The following MRTFA variants were observed in gnomAD, a reference collection of about 807,000 sequenced individuals.
The protein encoded by MRTFA is myocardin related transcription factor A.
Under a neutral mutation model 83.5 loss-of-function variants are expected in MRTFA, and 20 were observed. The observed-to-expected ratio is 0.24, with a 90% CI of 0.17 to 0.35. The LOEUF is 0.35. Among genes scored for constraint, MRTFA ranks in the 10% least tolerant of loss-of-function variants. The pLI is 1.00. For missense variants in MRTFA, 1,200 were observed against 1,224.7 expected (o/e 0.98, Z 0.30); for synonymous variants, 659 against 541.2 (o/e 1.22, Z -3.02).
In MRTFA at chr22:40,501,976, G is replaced by A. The variant is rs1468992186; in HGVS notation, c.242-38690C>T. On this transcript the variant is annotated intron_variant, in intron 3 of 14. Transcript: ENST00000355630. ...TCCCAGACGGGGCGGCTGGCCGGGC[G>A]GGGGGCTGACCCCCCCACCTCCCTC... Among the ~76,000 whole-genome samples, 9 of 128,158 alleles carry A rather than the reference G, an allele frequency of 7.0e-5. No homozygotes were observed. The South Asian group carries it at 1.1e-3, about 15-fold the overall frequency. 84.1% of individuals were successfully genotyped at this position (128,158 alleles called of 152,430 possible).
intron 2 of MRTFA, chr22:40,569,303 AAG>A (rs952780171): frequency 7.1e-5 from 15 of 209,984 alleles, no homozygotes; most frequent in Middle Eastern, 5.5e-4. Flanking sequence ...AAAAGACATC[AAG>A]ACCAAAATCA....
chr22:40,634,286 T>C (rs2056671588), intron 1 of MRTFA, among the ~76,000 whole-genome samples: 1 of 152,104 alleles, frequency 6.6e-6, no homozygotes, highest in African/African-American at 2.4e-5. Flanking sequence ...CAAGCTATCA[T>C]TATGTTGCCC....
At chr22:40,430,586 C>T (rs2053047764) in intron 6 of MRTFA, among the ~76,000 whole-genome samples, 1 of 150,764 alleles carries the variant, frequency 6.6e-6, no homozygotes, top group Non-Finnish European at 1.5e-5. Context: ...CAGCTATGCG[C>T]AGTGGCTCAC....
chr22:40,555,428 G>A (rs574686860), intron 2 of MRTFA, among the ~76,000 whole-genome samples: 1 of 152,064 alleles, frequency 6.6e-6, no homozygotes, highest in South Asian at 2.1e-4. Flanking sequence ...AAAAGTGTGT[G>A]GCACTGCCCC....
At chr22:40,615,964 C>T (rs369012137) in intron 1 of MRTFA, among the ~76,000 whole-genome samples, 207 of 152,244 alleles carry the variant, frequency 1.4e-3, no homozygotes, top group African/African-American at 3.6e-3. Flanking sequence ...GGATTACAGG[C>T]GTGAGCCACT....
At chr22:40,631,067 G>A (rs1392479344) in intron 1 of MRTFA, among the ~76,000 whole-genome samples, 4 of 152,210 alleles carry the variant, frequency 2.6e-5, no homozygotes, top group African/African-American at 7.2e-5. Context: ...ACCCTTAATG[G>A]CAACTTGTGC....
intron 1 of MRTFA, among the ~76,000 whole-genome samples, chr22:40,619,087 A>G (rs866109996): frequency 6.6e-6 from 1 of 152,132 alleles, no homozygotes; most frequent in East Asian, 1.9e-4. Flanking sequence ...ACAGTCCCCA[A>G]TTATTCAACC....
chr22:40,537,762 G>GT, intron 3 of MRTFA, among the ~76,000 whole-genome samples: 1 of 31,366 alleles, frequency 3.2e-5, no homozygotes, highest in African/African-American at 1.8e-4. Context: ...CGTCCGGGAG[G>GT]GAGGTGGGGG....
At chr22:40,541,576 A>C (rs1281920970) in intron 3 of MRTFA, among the ~76,000 whole-genome samples, 1 of 152,198 alleles carries the variant, frequency 6.6e-6, no homozygotes. Flanking sequence ...GTACTGAGTC[A>C]AGACCTGTAA....
intron 4 of MRTFA, among the ~76,000 whole-genome samples, chr22:40,461,686 C>G (rs2053716589): frequency 6.6e-6 from 1 of 151,192 alleles, no homozygotes; most frequent in South Asian, 2.1e-4. Context: ...GTAGTCCCAG[C>G]TATTTGGGAG....
chr22:40,577,955 T>C (rs1417596835), intron 2 of MRTFA, among the ~76,000 whole-genome samples: 3 of 151,252 alleles, frequency 2.0e-5, no homozygotes, highest in Admixed American at 1.3e-4. Flanking sequence ...TGAGAATTCA[T>C]GATCTTTTTT....
intron 5 of MRTFA, among the ~76,000 whole-genome samples, chr22:40,435,227 G>A (rs148632673): frequency 3.9e-5 from 6 of 152,280 alleles, no homozygotes; most frequent in Middle Eastern, 3.4e-3. Context: ...AAGGAGGATC[G>A]GGTGATCATT....
At chr22:40,472,770 C>G (rs2053936973) in intron 3 of MRTFA, among the ~76,000 whole-genome samples, 1 of 152,150 alleles carries the variant, frequency 6.6e-6, no homozygotes. Context: ...GTCTTGGCAT[C>G]TTAGCTATGG....
intron 3 of MRTFA, 41 bp downstream of exon 3, chr22:40,552,065 T>A (rs1203883883): frequency 7.5e-6 from 3 of 397,744 alleles, no homozygotes; most frequent in Admixed American, 4.4e-5. Flanking sequence ...ATGAAGATCC[T>A]GGTTCAAATC....
At position 40,469,787 on chromosome 22, in the gene MRTFA, T is replaced by C. The variant is rs150396794; in HGVS notation, c.242-6501A>G. Among the ~76,000 whole-genome samples the C allele has an allele frequency of 2.9e-3, 447 of 152,074 alleles. 4 individuals carry two copies. Among genetic ancestry groups the C allele is most frequent in the African/African-American group, 0.01 (426 of 41,488 alleles). ...GATGACAATGGAATTAAATTAGAAA[T>C]CAAAAACAGGCCAGGCATGGTGGCT... On this transcript the variant is annotated intron_variant, in intron 3 of 14. Coordinates refer to ENST00000355630, the MANE Select transcript of MRTFA (RefSeq NM_020831.6).
intron 1 of MRTFA, among the ~76,000 whole-genome samples, chr22:40,629,707 C>T (rs936378149): frequency 1.4e-5 from 2 of 139,898 alleles, no homozygotes; most frequent in Non-Finnish European, 3.0e-5. Context: ...ACCCAGGATG[C>T]GGAGCTTGCA....
chr22:40,565,730 A>AT (rs1158347470), intron 2 of MRTFA, among the ~76,000 whole-genome samples: 2 of 152,190 alleles, frequency 1.3e-5, no homozygotes, highest in Non-Finnish European at 2.9e-5. Context: ...TATACAATAA[A>AT]AAGTTTTTGG....
intron 1 of MRTFA, among the ~76,000 whole-genome samples, chr22:40,625,566 T>C (rs1261012456): frequency 6.6e-6 from 1 of 152,048 alleles, no homozygotes; most frequent in East Asian, 1.9e-4. Context: ...TCACTTGAGG[T>C]CAGGAGTTTG....
intron 4 of MRTFA, among the ~76,000 whole-genome samples, chr22:40,446,032 G>A (rs2053371164): frequency 6.6e-6 from 1 of 152,072 alleles, no homozygotes; most frequent in Admixed American, 6.6e-5. Context: ...AACATTTTTG[G>A]CAAGAAGAAA....
Sources: gnomAD v4.1 joint callset for allele counts (sites outside exome capture counted in the v4.1 genomes callset) on GRCh38, gnomAD v4.1.1 for gene constraint, MANE v1.5 for transcripts, NCBI Gene and HGNC (gene_info 2026-07-23, HGNC 2026-07-21) for gene names.